CAPZA1: variants seen among roughly 807,000 people sequenced by gnomAD.
CAPZA1 encodes the protein capping actin protein of muscle Z-line subunit alpha 1.
In CAPZA1, 10 loss-of-function variants were observed where a neutral mutation model predicts 40.8. That is an observed-to-expected ratio of 0.25 (90% CI 0.15 to 0.42). The LOEUF is 0.42. Ranked by LOEUF, CAPZA1 falls within the 10% of genes least tolerant of loss-of-function variation. CAPZA1 has a pLI of 1.00. For missense variants in CAPZA1, 277 were observed against 353.8 expected (o/e 0.78, Z 1.74); for synonymous variants, 98 against 115.0 (o/e 0.85, Z 0.95).
chr1:112,630,430 G>A (rs984836145), intron 1 of CAPZA1, among the ~76,000 whole-genome samples: 1 of 151,886 alleles, frequency 6.6e-6, no homozygotes, highest in South Asian at 2.1e-4. Context: ...TGCAACCTCC[G>A]TCCCCCAGGT....
intron 8 of CAPZA1, 33 bp downstream of exon 8, chr1:112,667,178 C>CA: frequency 6.9e-7 from 1 of 1,443,680 alleles, no homozygotes. Context: ...CTGTCTTACT[C>CA]ATGTCTCGTT....
chr1:112,652,430 GAT>G (rs933200195), intron 3 of CAPZA1, among the ~76,000 whole-genome samples: 1 of 136,482 alleles, frequency 7.3e-6, no homozygotes, highest in African/African-American at 2.7e-5. Flanking sequence ...GGTGAGCCAA[GAT>G]CACACCATTG....
At chr1:112,652,831 T>C (rs1288166577) in intron 3 of CAPZA1, among the ~76,000 whole-genome samples, 6 of 152,308 alleles carry the variant, frequency 3.9e-5, no homozygotes, top group Non-Finnish European at 7.4e-5. Context: ...CTTTGTAAAA[T>C]GTATTAGAGA....
chr1:112,650,938 A>C (rs1199767448), intron 3 of CAPZA1, among the ~76,000 whole-genome samples: 1 of 152,224 alleles, frequency 6.6e-6, no homozygotes, highest in South Asian at 2.1e-4. Flanking sequence ...TATAGACTAT[A>C]GGTTCTTGGG....
At chr1:112,659,336 T>G (rs576059868) in intron 6 of CAPZA1, 13 of 547,516 alleles carry the variant, frequency 2.4e-5, no homozygotes, top group South Asian at 1.9e-4. Context: ...GTTGAAAATC[T>G]GAGTTTTACT....
intron 6 of CAPZA1, 103 bp from the exon 7 acceptor site, chr1:112,659,598 C>G: frequency 4.5e-5 from 26 of 584,148 alleles, no homozygotes; most frequent in Non-Finnish European, 5.5e-5. Context: ...TTTTTTTTTT[C>G]TTTTTTTGCA....
In CAPZA1 at chr1:112,659,718, C is replaced by T. The variant is rs1334242784; in HGVS notation, c.524C>T (p.Ser175Leu). The T allele has an allele frequency of 6.2e-7, 1 of 1,612,992 alleles. No individual in the cohort carries two copies. The highest frequency in any genetic ancestry group is 8.5e-7 in the Non-Finnish European group (1 of 1,179,766). The change falls in exon 7 of 10, where the codon TCA becomes TTA. Residue 175 changes from serine (S) to leucine (L), a missense_variant. Physicochemically the swap from Ser to Leu is moderately radical, Grantham distance 145. Transcript: ENST00000263168. ...PKNFWNGRWR[S>L]EWKFTITPPT... is the part of the protein sequence containing the mutation. Reference sequence around the variant, plus strand: ...TTTAATAGGAATGGTCGTTGGAGATCAGAGTGGAAGTTCACCATCACACCA... The same window carrying T: ...TTTAATAGGAATGGTCGTTGGAGATTAGAGTGGAAGTTCACCATCACACCA...
intron 3 of CAPZA1, 74 bp from the exon 4 acceptor site, chr1:112,653,524 G>GT: frequency 1.0e-6 from 1 of 962,136 alleles, no homozygotes; most frequent in South Asian, 1.5e-5. Context: ...CACCTTTTGT[G>GT]TTTATTTACA....
chr1:112,623,346 C>T (rs1432677167), intron 1 of CAPZA1, among the ~76,000 whole-genome samples: 1 of 152,148 alleles, frequency 6.6e-6, no homozygotes, highest in Non-Finnish European at 1.5e-5. Flanking sequence ...CTTCACTTTT[C>T]AGTTAGTTTT....
chr1:112,634,764 C>T (rs1403497360), intron 1 of CAPZA1: 1 of 152,118 alleles, frequency 6.6e-6, no homozygotes, highest in African/African-American at 2.4e-5. Context: ...TACACAAATT[C>T]TAAAAGAGCT....
chr1:112,658,181 T>C (rs974423960), intron 5 of CAPZA1, among the ~76,000 whole-genome samples: 14 of 152,180 alleles, frequency 9.2e-5, no homozygotes, highest in Non-Finnish European at 1.9e-4. Flanking sequence ...AAGCGCTATT[T>C]TTTTTTTCTT....
chr1:112,645,192 G>T (rs1213648286), intron 1 of CAPZA1, among the ~76,000 whole-genome samples: 5 of 152,180 alleles, frequency 3.3e-5, no homozygotes, highest in Non-Finnish European at 5.9e-5. Flanking sequence ...CTAGAGGCAA[G>T]CTACCAGCAA....
At chr1:112,627,820 C>T (rs1177644950) in intron 1 of CAPZA1, among the ~76,000 whole-genome samples, 2 of 151,500 alleles carry the variant, frequency 1.3e-5, no homozygotes, top group African/African-American at 2.4e-5. Context: ...ATTAGCTGGG[C>T]GTGATGGCGC....
intron 7 of CAPZA1, among the ~76,000 whole-genome samples, chr1:112,662,129 C>T (rs541130690): frequency 5.0e-4 from 76 of 152,138 alleles, no homozygotes; most frequent in African/African-American, 1.5e-3. Context: ...TTTCTTGAAA[C>T]GGTGTATCTC....
At position 112,659,073 on chromosome 1, in the gene CAPZA1, A is replaced by T. The variant is rs903256920; in HGVS notation, c.478A>T (p.Ser160Cys). The T allele has an allele frequency of 1.9e-6, 3 of 1,613,428 alleles. No homozygotes were observed. The highest frequency in any genetic ancestry group is 2.5e-6 in the Non-Finnish European group (3 of 1,179,498). ...GQQTIIACIE[S>C]HQFQPKNFWN... ...ACAGACTATTATTGCATGTATTGAAAGCCACCAGTTTCAGCCTAAAAACTT... is the reference window on the plus strand; with the variant it reads ...ACAGACTATTATTGCATGTATTGAATGCCACCAGTTTCAGCCTAAAAACTT... Residue 160 changes from serine (S) to cysteine (C), a missense_variant, in exon 6 of 10, where the codon AGC becomes TGC. Transcript: ENST00000263168.
chr1:112,657,924 T>C (rs1398868008), intron 5 of CAPZA1, among the ~76,000 whole-genome samples: 1 of 152,262 alleles, frequency 6.6e-6, no homozygotes, highest in African/African-American at 2.4e-5. Context: ...CTAAGTTCTT[T>C]TTTTCCCCTA....
chr1:112,650,408 C>G (rs1671361457), intron 3 of CAPZA1, among the ~76,000 whole-genome samples: 1 of 152,114 alleles, frequency 6.6e-6, no homozygotes, highest in African/African-American at 2.4e-5. Context: ...GTGAATGATA[C>G]CCTAATTATA....
chr1:112,640,390 CG>C (rs1240806366), intron 1 of CAPZA1, among the ~76,000 whole-genome samples: 3 of 120,746 alleles, frequency 2.5e-5, no homozygotes, highest in Non-Finnish European at 3.5e-5. Flanking sequence ...CCCGGCCAGC[CG>C]CCCCGTCCGG....
chr1:112,653,615 A>T lies in CAPZA1; in HGVS notation c.173A>T (p.Asn58Ile), dbSNP rs954874545. The T allele has an allele frequency of 1.3e-6, 2 of 1,594,104 alleles. No individual in the cohort carries two copies. The highest frequency in any genetic ancestry group is 1.7e-6 in the Non-Finnish European group (2 of 1,171,388). The change falls in exon 4 of 10, where the codon AAC becomes ATC. Residue 58 changes from asparagine (N) to isoleucine (I), a missense_variant. Transcript: ENST00000263168. ...EGAAHAFAQY[N>I]MDQFTPVKIE... ...AAAAACAGTGCATTTGCCCAGTATA[A>T]CATGGATCAGTTCACGCCTGTGAAG...
Sources: allele counts gnomAD v4.1 joint callset (sites outside exome capture counted in the v4.1 genomes callset), GRCh38; gene constraint gnomAD v4.1.1; transcripts MANE v1.5; gene names NCBI Gene and HGNC (gene_info 2026-07-23, HGNC 2026-07-21).